FBXW8: variants seen among roughly 807,000 people sequenced by gnomAD.
FBXW8 encodes the protein F-box and WD repeat domain containing 8, also known as F-box/WD repeat-containing protein 8.
FBXW8 carries 57 observed loss-of-function variants against 65.3 expected under a neutral mutation model. That is an observed-to-expected ratio of 0.87 (90% CI 0.71 to 1.09). The LOEUF is 1.09. Ranked by LOEUF, FBXW8 falls within the 50% of genes least tolerant of loss-of-function variation. FBXW8 has a pLI of 0.00. For synonymous variants in FBXW8, 308 were observed against 330.2 expected (o/e 0.93, Z 0.73); for missense variants, 777 against 814.8 (o/e 0.95, Z 0.57).
At chr12:116,925,056 G>A (rs909941135) in intron 1 of FBXW8, among the ~76,000 whole-genome samples, 4 of 151,790 alleles carry the variant, frequency 2.6e-5, no homozygotes, top group Admixed American at 2.6e-4. Context: ...ACTATCGTGG[G>A]TCATGTCTAT....
At chr12:116,960,312 A>G (rs894752656) in intron 4 of FBXW8, among the ~76,000 whole-genome samples, 3 of 152,098 alleles carry the variant, frequency 2.0e-5, no homozygotes, top group African/African-American at 7.2e-5. Flanking sequence ...TGTGGCTTTC[A>G]CTTAGGTTAG....
chr12:116,930,814 A>G (rs575876714), intron 2 of FBXW8, among the ~76,000 whole-genome samples: 30 of 151,728 alleles, frequency 2.0e-4, no homozygotes, highest in Admixed American at 1.5e-3. Flanking sequence ...ACTTATTTTT[A>G]TTTTTTTTAT....
At chr12:116,915,279 C>T (rs1455378212) in intron 1 of FBXW8, among the ~76,000 whole-genome samples, 1 of 152,208 alleles carries the variant, frequency 6.6e-6, no homozygotes, top group Non-Finnish European at 1.5e-5. Flanking sequence ...GTGTTCTGGT[C>T]ATAGCTTTAT....
rs57142470 is a variant in FBXW8 at position 116,912,171 on chromosome 12, G to GT, written c.318+831dup. 1.6e-3 allele frequency among the ~76,000 whole-genome samples: 215 copies of GT among 131,018 alleles called. 1 individual carries two copies. The highest frequency in any genetic ancestry group is 2.3e-3 in the African/African-American group (86 of 36,912). The allele number at this position is 131,018 out of a possible 152,430, so 86.0% of individuals were successfully genotyped here. On this transcript the variant is annotated intron_variant, in intron 1 of 10. Transcript: ENST00000652555. ...TTGGGAACCCACTTTTTTTTTTCCTGTTTTTTTTTTTTTTTCTTTCTTTCT... is the reference window on the plus strand; with the variant it reads ...TTGGGAACCCACTTTTTTTTTTCCTGTTTTTTTTTTTTTTTTCTTTCTTTCT...
At chr12:116,967,127 T>G (rs1391287055) in intron 5 of FBXW8, among the ~76,000 whole-genome samples, 40 of 151,618 alleles carry the variant, frequency 2.6e-4, no homozygotes, top group Admixed American at 2.6e-3. Context: ...ATTTTACTCG[T>G]GGGGGGTCCT....
At chr12:116,938,012 T>C (rs1651802719) in intron 2 of FBXW8, among the ~76,000 whole-genome samples, 1 of 152,140 alleles carries the variant, frequency 6.6e-6, no homozygotes, top group Non-Finnish European at 1.5e-5. Context: ...ATTAGGCCTT[T>C]GGAAAATTCA....
chr12:117,014,219 C>G (rs1565942356), intron 8 of FBXW8, among the ~76,000 whole-genome samples: 1 of 152,074 alleles, frequency 6.6e-6, no homozygotes, highest in Non-Finnish European at 1.5e-5. Flanking sequence ...TGCTGTTGAG[C>G]CTATCCAGTG....
rs561452724 is a variant in FBXW8, at chr12:116,988,865, G to A, written c.1235G>A (p.Ser412Asn). 1 of 1,613,636 alleles carries A rather than the reference G, an allele frequency of 6.2e-7. No homozygotes were observed. Among genetic ancestry groups the A allele is most frequent in the Admixed American group, 1.7e-5 (1 of 60,012 alleles). Reference protein sequence around the residue: ...VQGLGWVYEGSKILVYSLEAG... With the variant: ...VQGLGWVYEGNKILVYSLEAG... ...GGTCTGGGATGGGTGTACGAAGGAA[G>A]CAAGGTACACAACTAGCAAGATATA... is the stretch of plus-strand genomic sequence containing the variant. Residue 412 changes from serine to asparagine, a missense_variant, in exon 7 of 11, where the codon AGC becomes AAC. Physicochemically the swap from Ser to Asn is conservative, Grantham distance 46. Coordinates refer to ENST00000652555, the MANE Select transcript of FBXW8 (RefSeq NM_153348.3).
chr12:116,974,076 C>G (rs1884784317), intron 5 of FBXW8, among the ~76,000 whole-genome samples: 1 of 152,188 alleles, frequency 6.6e-6, no homozygotes, highest in South Asian at 2.1e-4. Flanking sequence ...AAACTCCAAA[C>G]AAGGAGGGGG....
intron 7 of FBXW8, chr12:117,002,832 GTTTT>G (rs1343564205): frequency 3.9e-5 from 6 of 152,020 alleles, no homozygotes; most frequent in Non-Finnish European, 8.8e-5. Flanking sequence ...TCTCATTCCT[GTTTT>G]TTTAAAGTCT....
At chr12:116,964,914 C>T in intron 5 of FBXW8, 60 bp downstream of exon 5, 1 of 1,512,636 alleles carries the variant, frequency 6.6e-7, no homozygotes, top group Non-Finnish European at 8.8e-7. Context: ...AAAAATTAAG[C>T]AGCTGTGGCC....
intron 5 of FBXW8, 129 bp from the exon 6 acceptor site, chr12:116,985,077 G>T: frequency 1.5e-6 from 1 of 681,312 alleles, no homozygotes; most frequent in Non-Finnish European, 2.4e-6. Context: ...GTGATTTCGT[G>T]TTTAGACTTG....
chr12:116,913,376 A>G (rs1375167071), intron 1 of FBXW8, among the ~76,000 whole-genome samples: 1 of 152,238 alleles, frequency 6.6e-6, no homozygotes, highest in East Asian at 1.9e-4. Context: ...AAATCTGTGT[A>G]TAACTTTTGA....
At chr12:116,942,390 T>TC (rs397818934) in intron 2 of FBXW8, among the ~76,000 whole-genome samples, 2 of 150,804 alleles carry the variant, frequency 1.3e-5, no homozygotes, top group Non-Finnish European at 3.0e-5. Flanking sequence ...TTTTTTTTTT[T>TC]CCGAGACAGA....
intron 1 of FBXW8, among the ~76,000 whole-genome samples, chr12:116,923,618 G>C (rs1282668775): frequency 6.7e-6 from 1 of 148,304 alleles, no homozygotes; most frequent in Non-Finnish European, 1.5e-5. Context: ...CTGCCTGCCG[G>C]GTTCACGCCA....
intron 3 of FBXW8, 77 bp from the exon 4 acceptor site, chr12:116,949,540 TA>T: frequency 8.1e-7 from 1 of 1,234,322 alleles, no homozygotes; most frequent in Non-Finnish European, 1.2e-6. Context: ...CTGTGGAAAG[TA>T]GGTGAAAAAG....
intron 9 of FBXW8, among the ~76,000 whole-genome samples, chr12:117,024,646 TCTCCATCTTAATAAA>T (rs1409288707): frequency 2.0e-5 from 3 of 152,170 alleles, no homozygotes; most frequent in African/African-American, 7.2e-5. Context: ...TTTTAGGATT[TCTCCATCTTAATAAA>T]CAGAAAAGGG....
intron 7 of FBXW8, among the ~76,000 whole-genome samples, chr12:116,995,033 A>C (rs921327468): frequency 6.6e-6 from 1 of 152,240 alleles, no homozygotes; most frequent in African/African-American, 2.4e-5. Context: ...GAAAGATCAC[A>C]AGATGAGGCC....
intron 2 of FBXW8, among the ~76,000 whole-genome samples, chr12:116,941,915 G>A (rs1316521178): frequency 6.6e-6 from 1 of 152,124 alleles, no homozygotes; most frequent in Non-Finnish European, 1.5e-5. Context: ...TTCCAGTAGT[G>A]CACCAAAAAC....
Sources: gnomAD v4.1 joint callset for allele counts (sites outside exome capture counted in the v4.1 genomes callset) on GRCh38, gnomAD v4.1.1 for gene constraint, MANE v1.5 for transcripts, NCBI Gene and HGNC (gene_info 2026-07-23, HGNC 2026-07-21) for gene names.